The following ADAM12 variants were observed in gnomAD, a reference collection of about 807,000 sequenced individuals.
ADAM12 encodes the protein ADAM metallopeptidase domain 12.
ADAM12 carries 70 observed loss-of-function variants against 106.4 expected under a neutral mutation model. The observed-to-expected ratio is 0.66, with a 90% CI of 0.54 to 0.80. The LOEUF (loss-of-function observed/expected upper bound fraction) is 0.80, where lower values mean the gene tolerates loss of function less well. Among genes scored for constraint, ADAM12 ranks in the 30% least tolerant of loss-of-function variants. The pLI is 0.00. For missense variants in ADAM12, 1,010 were observed against 1,171.9 expected, an observed-to-expected ratio of 0.86 and a Z score of 2.02; for synonymous variants, 420 against 433.5, an observed-to-expected ratio of 0.97 and a Z score of 0.39.
Position 126,014,313 on chromosome 10 carries a change from GTTTTTTTTTTT to G in ADAM12, c.*2955_*2965del, listed in dbSNP as rs34913675. ...GAACATTTTGACACAGTTTTAGCCG[GTTTTTTTTTTT>G]TTTTTTTTTTTTTGAGGATGCATTG... On this transcript the variant is annotated 3_prime_UTR_variant, in exon 23 of 23. Transcript: ENST00000448723. 1 of 46,302 alleles carries G rather than the reference GTTTTTTTTTTT, an allele frequency of 2.2e-5. No homozygotes were observed. Among genetic ancestry groups the G allele is most frequent in the East Asian group, 7.3e-4 (1 of 1,372 alleles). 2.9% of individuals were successfully genotyped at this position (46,302 alleles called of 1,614,324 possible).
intron 22 of ADAM12, among the ~76,000 whole-genome samples, chr10:126,018,619 T>C (rs1242502720): frequency 1.3e-5 from 2 of 152,198 alleles, no homozygotes; most frequent in African/African-American, 4.8e-5. Context: ...TTTGTATAAT[T>C]TAATCCTTAA....
rs892037841 is a variant in ADAM12, at chr10:126,159,167, G to A, written c.261-3862C>T. 4.6e-5 allele frequency among the ~76,000 whole-genome samples: 7 copies of A among 151,944 alleles called. No homozygotes were observed. In the South Asian group the frequency reaches 1.0e-3, roughly 23 times the overall value. On this transcript the variant is annotated intron_variant, in intron 3 of 22. Coordinates refer to ENST00000448723, the MANE Select transcript of ADAM12 (RefSeq NM_001288973.2). ...TACTAAAAATACAAAAAAATTAGCC[G>A]GGCACGGTGGTGGGTGCCTGTGGTC...
At chr10:126,356,599 T>G (rs1484890331) in intron 1 of ADAM12, among the ~76,000 whole-genome samples, 1 of 152,178 alleles carries the variant, frequency 6.6e-6, no homozygotes, top group Non-Finnish European at 1.5e-5. Context: ...TCAGAAATCA[T>G]GACAACACCA....
In ADAM12 at chr10:126,322,327, G is replaced by A. The variant is rs375749861; in HGVS notation, c.186+8085C>T. 2.2e-3 allele frequency among the ~76,000 whole-genome samples: 340 copies of A among 152,282 alleles called. 1 individual carries two copies. The highest frequency in any genetic ancestry group is 7.5e-3 in the African/African-American group (312 of 41,548). On this transcript the variant is annotated intron_variant, in intron 2 of 22. Coordinates refer to ENST00000448723, the MANE Select transcript of ADAM12 (RefSeq NM_001288973.2). ...ATCTGCAGAACCCCAGTCTGGCTCC[G>A]TCCAAGGCCAAGACGGGGATCCCAG...
chr10:126,178,493 ACT>A (rs1461293492), intron 3 of ADAM12, among the ~76,000 whole-genome samples: 1 of 149,914 alleles, frequency 6.7e-6, no homozygotes, highest in Non-Finnish European at 1.5e-5. Flanking sequence ...AAATTGTCAA[ACT>A]CTCTTTCATA....
chr10:126,195,801 C>T (rs1265555545), intron 3 of ADAM12, among the ~76,000 whole-genome samples: 1 of 151,932 alleles, frequency 6.6e-6, no homozygotes, highest in Non-Finnish European at 1.5e-5. Flanking sequence ...TTATATGATA[C>T]AATTTATATG....
intron 3 of ADAM12, among the ~76,000 whole-genome samples, chr10:126,162,828 A>G (rs901783127): frequency 1.3e-5 from 2 of 152,138 alleles, no homozygotes; most frequent in Non-Finnish European, 2.9e-5. Flanking sequence ...AGTCTTAGCC[A>G]TGGATGTAGT....
At chr10:126,116,980 C>T (rs116732265) in intron 6 of ADAM12, among the ~76,000 whole-genome samples, 187 of 152,132 alleles carry the variant, frequency 1.2e-3, no homozygotes, top group Middle Eastern at 6.8e-3. Context: ...GAGACAACAA[C>T]GGGTTAGGAG....
chr10:126,171,128 C>T (rs1017762963), intron 3 of ADAM12, among the ~76,000 whole-genome samples: 1 of 152,158 alleles, frequency 6.6e-6, no homozygotes, highest in East Asian at 1.9e-4. Context: ...CAATTCCAGC[C>T]TCCTAGGTTA....
At chr10:126,191,730 C>T (rs1189530009) in intron 3 of ADAM12, among the ~76,000 whole-genome samples, 2 of 152,138 alleles carry the variant, frequency 1.3e-5, no homozygotes, top group East Asian at 1.9e-4. Context: ...AAGTAGAACT[C>T]GGGAGCCAGC....
chr10:126,158,796 G>A (rs760856781), intron 3 of ADAM12, among the ~76,000 whole-genome samples: 4 of 146,054 alleles, frequency 2.7e-5, no homozygotes, highest in Non-Finnish European at 6.0e-5. Context: ...GAGTGGGGAT[G>A]CACACAGCAC....
chr10:126,265,115 A>G (rs1318473339), intron 3 of ADAM12, among the ~76,000 whole-genome samples: 1 of 152,222 alleles, frequency 6.6e-6, no homozygotes, highest in African/African-American at 2.4e-5. Context: ...TTATCCCCAC[A>G]GAACCTTTTA....
chr10:126,107,280 G>C (rs942061696), intron 8 of ADAM12, among the ~76,000 whole-genome samples: 3 of 152,104 alleles, frequency 2.0e-5, no homozygotes, highest in Non-Finnish European at 4.4e-5. Flanking sequence ...ATTCTCTTCT[G>C]CATCCCCATA....
chr10:126,111,344 C>A (rs1226928194), intron 6 of ADAM12, among the ~76,000 whole-genome samples: 1 of 152,122 alleles, frequency 6.6e-6, no homozygotes, highest in Non-Finnish European at 1.5e-5. Context: ...AGACATTTGC[C>A]CCCATGGTGC....
intron 2 of ADAM12, among the ~76,000 whole-genome samples, chr10:126,314,843 C>T (rs950271388): frequency 6.6e-6 from 1 of 152,118 alleles, no homozygotes; most frequent in African/African-American, 2.4e-5. Flanking sequence ...TGGAACTTGC[C>T]TCTCAGAGCA....
chr10:126,047,749 C>T (rs573222124), intron 16 of ADAM12, among the ~76,000 whole-genome samples: 1 of 152,254 alleles, frequency 6.6e-6, no homozygotes. Context: ...TCCTCAAAGG[C>T]CTAAAACAGA....
intron 1 of ADAM12, among the ~76,000 whole-genome samples, chr10:126,354,473 G>T (rs1399584014): frequency 1.3e-5 from 2 of 152,144 alleles, no homozygotes; most frequent in Non-Finnish European, 2.9e-5. Context: ...GATGGAGAAA[G>T]GTTGGCAACC....
At chr10:126,075,508 G>A (rs1186158327) in intron 11 of ADAM12, among the ~76,000 whole-genome samples, 1 of 152,166 alleles carries the variant, frequency 6.6e-6, no homozygotes, top group Non-Finnish European at 1.5e-5. Context: ...TAATAGGCAA[G>A]CTAAGGGAAC....
At chr10:126,086,672 AAAAAAAAAATATATATATATAT>A (rs1440615253) in intron 11 of ADAM12, among the ~76,000 whole-genome samples, 3 of 38,030 alleles carry the variant, frequency 7.9e-5, no homozygotes, top group African/African-American at 7.5e-4. Context: ...AAAAAAAAAA[AAAAAAAAAATATATATATATAT>A]ATATATATAT....
Sources: gnomAD v4.1 joint callset for allele counts (sites outside exome capture counted in the v4.1 genomes callset) on GRCh38, gnomAD v4.1.1 for gene constraint, MANE v1.5 for transcripts, NCBI Gene and HGNC (gene_info 2026-07-23, HGNC 2026-07-21) for gene names.